The following UBE2F variants were observed in gnomAD, a reference collection of about 807,000 sequenced individuals.
UBE2F encodes the protein NEDD8-conjugating enzyme UBE2F.
A neutral mutation model predicts 29.6 loss-of-function variants in UBE2F; 5 were observed. That is an observed-to-expected ratio of 0.17 (90% confidence interval 0.09 to 0.36). The LOEUF is 0.36. UBE2F is among the 10% of genes least tolerant of loss of function. The pLI is 1.00. For missense variants in UBE2F, 141 were observed against 228.5 expected (o/e 0.62, Z 2.47); for synonymous variants, 66 against 81.8 (o/e 0.81, Z 1.04).
chr2:237,978,567 C>T (rs888630181), intron 2 of UBE2F, among the ~76,000 whole-genome samples: 6 of 152,170 alleles, frequency 3.9e-5, no homozygotes, highest in Admixed American at 6.5e-5. Context: ...TCCAGATGGC[C>T]GCAAGGGCTC....
chr2:238,041,463 T>A lies in UBE2F; in HGVS notation c.*125T>A. 1.1e-6 allele frequency: 1 copy of A among 873,536 alleles called. No individual in the cohort carries two copies. Among genetic ancestry groups the A allele is most frequent in the East Asian group, 2.5e-5 (1 of 39,756 alleles). The allele number at this position is 873,536 out of a possible 1,614,324, so 54.1% of individuals were successfully genotyped here. A position where few individuals can be genotyped will look rare whatever the true frequency, so the allele number is the denominator to read the frequency against. On this transcript the variant is annotated 3_prime_UTR_variant, in exon 10 of 10. Transcript: ENST00000272930. The stretch of plus-strand genomic sequence containing the variant: ...AGTCCCCTGGATTGCCCCAGTCCTG[T>A]GACCATGTTGCCCTGAAGAAGACCA...
rs577001447 is a variant in UBE2F, at chr2:238,038,069, G to T, written c.507+2129G>T. Among the ~76,000 whole-genome samples the T allele has an allele frequency of 1.1e-4, 16 of 152,340 alleles. No homozygotes were observed. In the South Asian group the frequency reaches 3.3e-3, roughly 32 times the overall value. On this transcript the variant is annotated intron_variant, in intron 9 of 9. Transcript: ENST00000272930. ...TACAGTCTTGAGCTCAGGAGGTGCTGCCTGACCATGGCCCCAAAGAGTGGG... is the reference window on the plus strand; with the variant it reads ...TACAGTCTTGAGCTCAGGAGGTGCTTCCTGACCATGGCCCCAAAGAGTGGG...
chr2:237,984,878 C>G (rs1212801644), intron 2 of UBE2F, among the ~76,000 whole-genome samples: 1 of 151,856 alleles, frequency 6.6e-6, no homozygotes, highest in Non-Finnish European at 1.5e-5. Context: ...CTCCTAGGTT[C>G]AAGTGACCTT....
chr2:238,001,884 T>C (rs901378448), intron 4 of UBE2F, among the ~76,000 whole-genome samples: 1 of 152,134 alleles, frequency 6.6e-6, no homozygotes, highest in African/African-American at 2.4e-5. Context: ...ATTGATGTTT[T>C]CTTATTTTGA....
At chr2:238,023,856 A>G (rs182123935) in intron 5 of UBE2F, among the ~76,000 whole-genome samples, 3 of 152,094 alleles carry the variant, frequency 2.0e-5, no homozygotes, top group African/African-American at 4.8e-5. Flanking sequence ...TGAGCAGTGT[A>G]TCAGAAGCTA....
chr2:238,014,345 A>G (rs142012821), intron 4 of UBE2F, among the ~76,000 whole-genome samples: 4 of 152,244 alleles, frequency 2.6e-5, no homozygotes, highest in Admixed American at 6.5e-5. Context: ...GATTTGTTTC[A>G]TGAAAGAGAA....
intron 3 of UBE2F, among the ~76,000 whole-genome samples, chr2:237,991,151 C>T (rs1381621883): frequency 6.6e-6 from 1 of 152,190 alleles, no homozygotes; most frequent in Non-Finnish European, 1.5e-5. Context: ...AAAAAGACAG[C>T]ATGCTCCCTG....
rs145175086 is a variant in UBE2F, at chr2:238,018,636, G to C, written c.282+2003G>C. On this transcript the variant is annotated intron_variant, in intron 5 of 9. Transcript: ENST00000272930. ...CCTGGAGTGCTGTGGCGTGATCTCA[G>C]CTCACTGCAACCACCAGCTCCCGGG... 7.2e-5 allele frequency among the ~76,000 whole-genome samples: 11 copies of C among 152,270 alleles called. No homozygotes were observed. The East Asian group carries it at 1.9e-3, about 27-fold the overall frequency.
At chr2:238,005,957 A>T (rs1216979538) in intron 4 of UBE2F, among the ~76,000 whole-genome samples, 1 of 152,166 alleles carries the variant, frequency 6.6e-6, no homozygotes, top group Non-Finnish European at 1.5e-5. Flanking sequence ...ACTTGCTGAG[A>T]TTTTGATTAG....
intron 1 of UBE2F, among the ~76,000 whole-genome samples, chr2:237,972,883 A>G (rs577861826): frequency 6.6e-6 from 1 of 152,192 alleles, no homozygotes; most frequent in African/African-American, 2.4e-5. Context: ...ATGTTAATTC[A>G]TAATTTTAAA....
intron 4 of UBE2F, among the ~76,000 whole-genome samples, chr2:238,001,691 G>A (rs1470393582): frequency 6.6e-6 from 1 of 151,870 alleles, no homozygotes; most frequent in East Asian, 2.0e-4. Context: ...GTGGTGGCGG[G>A]CGCCTGTAGT....
chr2:238,000,834 A>G (rs2063777296), intron 4 of UBE2F, among the ~76,000 whole-genome samples: 1 of 152,166 alleles, frequency 6.6e-6, no homozygotes, highest in Non-Finnish European at 1.5e-5. Context: ...CATTCTTTTC[A>G]ATTTTAGCCA....
At chr2:238,025,505 G>A in intron 6 of UBE2F, 93 bp downstream of exon 6, 1 of 1,193,172 alleles carries the variant, frequency 8.4e-7, no homozygotes, top group South Asian at 1.3e-5. Context: ...AAAAGATTTT[G>A]AGGCATGGCC....
intron 8 of UBE2F, chr2:238,035,498 A>G (rs1268141219): frequency 5.1e-6 from 1 of 194,520 alleles, no homozygotes; most frequent in Non-Finnish European, 1.1e-5. Flanking sequence ...AAACAAAAGA[A>G]AAAGTGAATT....
At chr2:237,993,460 C>G (rs891125196) in intron 3 of UBE2F, among the ~76,000 whole-genome samples, 1 of 152,174 alleles carries the variant, frequency 6.6e-6, no homozygotes, top group African/African-American at 2.4e-5. Context: ...TGCCTGTAAT[C>G]CTAGCACTTT....
chr2:237,967,187 G>C lies in UBE2F; in HGVS notation c.-17+55G>C, dbSNP rs1275261927. The C allele has an allele frequency of 1.8e-6, 2 of 1,091,790 alleles. No homozygotes were observed. The highest frequency in any genetic ancestry group is 2.2e-6 in the Non-Finnish European group (2 of 896,202). The allele number at this position is 1,091,790 out of a possible 1,614,324, so 67.6% of individuals were successfully genotyped here. On this transcript the variant is annotated intron_variant, in intron 1 of 9. Coordinates refer to ENST00000272930, the MANE Select transcript of UBE2F (RefSeq NM_080678.3). This position sits in a 1 kb window ranked among gnomAD's most constrained non-coding sequence, Gnocchi z 6.3. ...GGGCGAGGTGCGGCCGCCGGTGCAC[G>C]GGCTGGCCTGCGGGCCGGGCGGAGG...
rs2064401410 is a variant in UBE2F at position 238,025,421 on chromosome 2, A to G, written c.353+9A>G. 2 of 1,612,052 alleles carry G rather than the reference A, an allele frequency of 1.2e-6. No individual in the cohort carries two copies. The highest frequency in any genetic ancestry group is 2.2e-5 in the East Asian group (1 of 44,874). The stretch of plus-strand genomic sequence containing the variant: ...GGGGAAATATGTCTGAGGTGAGTTT[A>G]TTGTCTTTTCTTTCTTCTACATTCG... On this transcript the variant is annotated intron_variant, in intron 6 of 9. Transcript: ENST00000272930.
At chr2:238,027,734 A>T (rs1229809719) in intron 6 of UBE2F, among the ~76,000 whole-genome samples, 1 of 152,226 alleles carries the variant, frequency 6.6e-6, no homozygotes, top group Non-Finnish European at 1.5e-5. Flanking sequence ...TGTGTCCCGA[A>T]TAAAGGGAAG....
intron 5 of UBE2F, among the ~76,000 whole-genome samples, chr2:238,017,907 T>A: frequency 6.6e-6 from 1 of 152,164 alleles, no homozygotes; most frequent in East Asian, 1.9e-4. Context: ...GCCACTGGGC[T>A]CCGTTCAGTG....
Sources: gnomAD v4.1 joint callset for allele counts (sites outside exome capture counted in the v4.1 genomes callset) on GRCh38, gnomAD v4.1.1 for gene constraint, Gnocchi (gnomAD v3.1) non-coding constraint, MANE v1.5 for transcripts, NCBI Gene and HGNC (gene_info 2026-07-23, HGNC 2026-07-21) for gene names.